The following ARPP21 variants were observed in gnomAD, a reference collection of about 807,000 sequenced individuals.
The protein encoded by ARPP21 is cAMP-regulated phosphoprotein 21.
A neutral mutation model predicts 113.2 loss-of-function variants in ARPP21; 69 were observed. The observed-to-expected ratio is 0.61, with a 90% CI of 0.50 to 0.74. The LOEUF is 0.74. Ranked by LOEUF, ARPP21 falls within the 30% of genes least tolerant of loss-of-function variation. The pLI is 0.00. For synonymous variants in ARPP21, 368 were observed against 375.5 expected, an observed-to-expected ratio of 0.98 and a Z score of 0.23; for missense variants, 1,070 against 1,037.4, an observed-to-expected ratio of 1.03 and a Z score of -0.43.
At chr3:35,725,697 A>G (rs148096950) in intron 14 of ARPP21, among the ~76,000 whole-genome samples, 1 of 151,550 alleles carries the variant, frequency 6.6e-6, no homozygotes, top group African/African-American at 2.4e-5. Flanking sequence ...CTCTTTTTCT[A>G]TCTTTTGTCA....
At chr3:35,790,446 C>T (rs1382758023) in intron 19 of ARPP21, among the ~76,000 whole-genome samples, 1 of 152,116 alleles carries the variant, frequency 6.6e-6, no homozygotes, top group Non-Finnish European at 1.5e-5. Context: ...TTTTTCAGGG[C>T]AATTGGATGT....
intron 1 of ARPP21, among the ~76,000 whole-genome samples, chr3:35,667,945 AG>A (rs2075020503): frequency 7.5e-6 from 1 of 132,486 alleles, no homozygotes; most frequent in African/African-American, 2.9e-5. Context: ...AAGGAGAAGA[AG>A]AAAAGAAGAA....
At position 35,691,015 on chromosome 3, in the gene ARPP21, A is replaced by G. The variant is rs1488279055; in HGVS notation, c.686+10A>G. ...CCAGCAGCACCAGAATGTAAGCCCC[A>G]TCACTGTACTTATTTAGCATTTTCT... On this transcript the variant is annotated intron_variant, in intron 9 of 20. Transcript: ENST00000684406. 2 of 1,597,934 alleles carry G rather than the reference A, an allele frequency of 1.3e-6. No homozygotes were observed. Among genetic ancestry groups the G allele is most frequent in the South Asian group, 2.3e-5 (2 of 88,204 alleles).
intron 4 of ARPP21, 76 bp downstream of exon 4, chr3:35,682,965 T>C: frequency 1.5e-6 from 2 of 1,366,974 alleles, no homozygotes. Flanking sequence ...GTTAAAGGAT[T>C]TGCCAGCATT....
intron 9 of ARPP21, among the ~76,000 whole-genome samples, chr3:35,699,202 A>G (rs2085291529): frequency 6.6e-6 from 1 of 151,652 alleles, no homozygotes; most frequent in Non-Finnish European, 1.5e-5. Context: ...ACATATACCT[A>G]CTAGAGATAG....
chr3:35,701,780 C>A (rs1262212817), intron 9 of ARPP21, among the ~76,000 whole-genome samples: 12 of 151,072 alleles, frequency 7.9e-5, no homozygotes, highest in Non-Finnish European at 4.4e-5. Flanking sequence ...GAGTGGTTGA[C>A]ATATACTAGA....
intron 5 of ARPP21, among the ~76,000 whole-genome samples, chr3:35,687,249 T>C (rs2080890542): frequency 1.3e-5 from 2 of 151,328 alleles, no homozygotes. Context: ...GAGTTTTTAA[T>C]TGTAAATTCA....
chr3:35,738,369 G>T, intron 17 of ARPP21, 51 bp downstream of exon 17: 1 of 1,439,856 alleles, frequency 6.9e-7, no homozygotes, highest in South Asian at 1.2e-5. Flanking sequence ...CATATTCTCT[G>T]ATTTTACTAC....
chr3:35,676,428 G>A (rs6778981), intron 1 of ARPP21, among the ~76,000 whole-genome samples: 76,409 of 151,694 alleles, frequency 0.5, 19,443 homozygotes, highest in East Asian at 0.56. Flanking sequence ...AAACAAGGAT[G>A]TTCATTAAAA....
At chr3:35,762,763 G>A (rs1186373503) in intron 19 of ARPP21, among the ~76,000 whole-genome samples, 1 of 152,076 alleles carries the variant, frequency 6.6e-6, no homozygotes, top group Non-Finnish European at 1.5e-5. Flanking sequence ...TAATTTGAAG[G>A]CAGGCATATA....
intron 19 of ARPP21, among the ~76,000 whole-genome samples, chr3:35,749,431 C>CAAAAAAAAAAA (rs61007987): frequency 2.1e-4 from 21 of 100,744 alleles, no homozygotes; most frequent in Non-Finnish European, 2.7e-4. Flanking sequence ...TTCCTAAAAG[C>CAAAAAAAAAAA]AAAAAAAAAA....
chr3:35,679,257 G>C (rs1377540812), intron 1 of ARPP21, among the ~76,000 whole-genome samples: 1 of 151,726 alleles, frequency 6.6e-6, no homozygotes, highest in African/African-American at 2.4e-5. Context: ...CATTATAAAA[G>C]TTTTCTTCTT....
At chr3:35,732,958 T>C (rs1365716302) in intron 15 of ARPP21, among the ~76,000 whole-genome samples, 5 of 152,174 alleles carry the variant, frequency 3.3e-5, no homozygotes, top group Non-Finnish European at 4.4e-5. Flanking sequence ...TTAATCCTTG[T>C]CTATCCATAA....
intron 11 of ARPP21, among the ~76,000 whole-genome samples, chr3:35,711,607 C>A (rs1196864603): frequency 6.6e-6 from 1 of 152,180 alleles, no homozygotes; most frequent in African/African-American, 2.4e-5. Flanking sequence ...CTGGGTGATT[C>A]TAGCTCAGAG....
intron 1 of ARPP21, among the ~76,000 whole-genome samples, chr3:35,678,545 A>G (rs2078087200): frequency 6.6e-6 from 1 of 151,982 alleles, no homozygotes; most frequent in Non-Finnish European, 1.5e-5. Flanking sequence ...CTCAAAAGCC[A>G]TATAATTTCC....
intron 1 of ARPP21, among the ~76,000 whole-genome samples, chr3:35,676,675 T>C (rs1429402268): frequency 1.3e-5 from 2 of 151,922 alleles, no homozygotes; most frequent in Non-Finnish European, 2.9e-5. Flanking sequence ...AAATTTCTCA[T>C]TGATATTTTT....
At chr3:35,777,162 A>G (rs968996590) in intron 19 of ARPP21, among the ~76,000 whole-genome samples, 2 of 152,158 alleles carry the variant, frequency 1.3e-5, no homozygotes, top group African/African-American at 2.4e-5. Flanking sequence ...TGATACTACC[A>G]ACACCCAGTT....
At chr3:35,703,729 C>G (rs1422091216) in intron 9 of ARPP21, among the ~76,000 whole-genome samples, 1 of 151,762 alleles carries the variant, frequency 6.6e-6, no homozygotes, top group Non-Finnish European at 1.5e-5. Flanking sequence ...ATACCACCAC[C>G]TTTTGCAGTT....
At chr3:35,653,542 G>A (rs950352617) in intron 1 of ARPP21, among the ~76,000 whole-genome samples, 4 of 151,964 alleles carry the variant, frequency 2.6e-5, no homozygotes, top group African/African-American at 4.8e-5. Flanking sequence ...ATGATGCCAC[G>A]GACTATCAGC....
Sources: allele counts gnomAD v4.1 joint callset (sites outside exome capture counted in the v4.1 genomes callset), GRCh38; gene constraint gnomAD v4.1.1; transcripts MANE v1.5; gene names NCBI Gene and HGNC (gene_info 2026-07-23, HGNC 2026-07-21).